MTMR8: variants seen among roughly 807,000 people sequenced by gnomAD.
MTMR8 encodes myotubularin related protein 8, also known as phosphatidylinositol-3,5-bisphosphate 3-phosphatase MTMR8.
A neutral mutation model predicts 39.3 loss-of-function variants in MTMR8; 65 were observed. The observed-to-expected ratio is 1.65, with a 90% CI of 1.35 to 2.03. The LOEUF is 2.03. MTMR8 is among the 30% of genes most tolerant of loss of function. The pLI is 0.00. For synonymous variants in MTMR8, 245 were observed against 185.2 expected (o/e 1.32, Z -2.62); for missense variants, 777 against 538.9 (o/e 1.44, Z -4.37).
chrX:64,301,372 C>T (rs1179035508), intron 12 of MTMR8, among the ~76,000 whole-genome samples: 2 of 106,186 alleles, frequency 1.9e-5, no homozygotes, highest in South Asian at 4.4e-4. Flanking sequence ...ATCGCATCGG[C>T]TCCTGAGGCT....
chrX:64,371,732 G>C (rs1279217646), intron 1 of MTMR8, among the ~76,000 whole-genome samples: 1 of 111,068 alleles, frequency 9.0e-6, no homozygotes, highest in African/African-American at 3.3e-5. Context: ...TATTCCCTGA[G>C]ATTCTGCCAA....
intron 1 of MTMR8, among the ~76,000 whole-genome samples, chrX:64,378,016 G>A (rs989612093): frequency 9.0e-6 from 1 of 111,605 alleles, no homozygotes; most frequent in African/African-American, 3.3e-5. Context: ...GTGAAGATGT[G>A]CTTGCTTCCC....
At chrX:64,318,546 G>A (rs1441510432) in intron 12 of MTMR8, among the ~76,000 whole-genome samples, 2 of 110,580 alleles carry the variant, frequency 1.8e-5, no homozygotes, top group Non-Finnish European at 3.8e-5. Flanking sequence ...TAGGTCCTGT[G>A]GACCCTAGTC....
chrX:64,363,606 A>G (rs1923857408), intron 1 of MTMR8, among the ~76,000 whole-genome samples: 1 of 111,983 alleles, frequency 8.9e-6, no homozygotes, highest in Non-Finnish European at 1.9e-5. Context: ...TTTAAAAATT[A>G]CTCAGTCTCT....
intron 12 of MTMR8, among the ~76,000 whole-genome samples, chrX:64,274,828 C>T (rs1210890491): frequency 8.9e-6 from 1 of 111,905 alleles, no homozygotes; most frequent in Non-Finnish European, 1.9e-5. Context: ...ACTATATCTT[C>T]TCACTTACAC....
intron 12 of MTMR8, among the ~76,000 whole-genome samples, chrX:64,324,077 A>G (rs773063353): frequency 8.9e-6 from 1 of 112,975 alleles, no homozygotes; most frequent in African/African-American, 3.2e-5. Flanking sequence ...AAATAAATGA[A>G]AGTGCCCAGG....
intron 1 of MTMR8, among the ~76,000 whole-genome samples, chrX:64,380,576 A>G (rs1241379601): frequency 8.9e-6 from 1 of 112,718 alleles, no homozygotes; most frequent in Admixed American, 9.4e-5. Context: ...AGGACATGGA[A>G]AAATCCATTG....
intron 12 of MTMR8, among the ~76,000 whole-genome samples, chrX:64,273,623 T>C (rs1931812652): frequency 9.0e-6 from 1 of 111,328 alleles, no homozygotes; most frequent in African/African-American, 3.3e-5. Context: ...TTACTTGAAA[T>C]ATATACATGG....
intron 3 of MTMR8, 61 bp downstream of exon 3, chrX:64,356,115 C>T: frequency 1.8e-6 from 2 of 1,099,891 alleles, no homozygotes; most frequent in East Asian, 6.5e-5. Context: ...CCTGATCTTT[C>T]CATTATGCCA....
At chrX:64,336,034 A>T in intron 10 of MTMR8, 45 bp downstream of exon 10, 1 of 1,041,415 alleles carries the variant, frequency 9.6e-7, no homozygotes, top group Non-Finnish European at 1.3e-6. Context: ...CTTCACCCTA[A>T]TGAACTATCC....
chrX:64,344,318 T>G (rs1379598434), intron 7 of MTMR8, among the ~76,000 whole-genome samples: 3 of 111,675 alleles, frequency 2.7e-5, no homozygotes, highest in African/African-American at 9.8e-5. Context: ...GGATGCAGAC[T>G]GAGCAGATGA....
intron 12 of MTMR8, among the ~76,000 whole-genome samples, chrX:64,317,373 A>T: frequency 9.1e-6 from 1 of 110,414 alleles, no homozygotes; most frequent in Middle Eastern, 4.6e-3. Context: ...GACCCCTGTG[A>T]CTCTGTTTAT....
At chrX:64,317,968 G>A (rs765314025) in intron 12 of MTMR8, among the ~76,000 whole-genome samples, 15 of 112,316 alleles carry the variant, frequency 1.3e-4, no homozygotes, top group African/African-American at 4.8e-4. Context: ...TAGCTGCATT[G>A]GATAAAAGTG....
intron 12 of MTMR8, among the ~76,000 whole-genome samples, chrX:64,285,928 G>A (rs1921154695): frequency 9.0e-6 from 1 of 111,172 alleles, no homozygotes. Context: ...AGAGAAACAA[G>A]AACAAACACA....
In MTMR8 at chrX:64,277,790, G is replaced by A. The variant is rs748845098; in HGVS notation, c.1482-6717C>T. ...AATGTCGGTCTGTCTTGCTAGGTTG[G>A]GGAAGTTCTCCTGGATAATATCCTG... On this transcript the variant is annotated intron_variant, in intron 12 of 13. Transcript: ENST00000374852. Among the ~76,000 whole-genome samples the A allele has an allele frequency of 1.5e-3, 163 of 111,048 alleles. 1 individual carries two copies. The highest frequency in any genetic ancestry group is 5.2e-3 in the African/African-American group (158 of 30,570).
chrX:64,363,833 G>A (rs1028698866), intron 1 of MTMR8, among the ~76,000 whole-genome samples: 2 of 111,610 alleles, frequency 1.8e-5, no homozygotes, highest in African/African-American at 3.3e-5. Flanking sequence ...CCATTTCCTA[G>A]CCAAGGGAAG....
intron 12 of MTMR8, among the ~76,000 whole-genome samples, chrX:64,308,255 C>T (rs953250189): frequency 1.0e-4 from 11 of 108,825 alleles, no homozygotes; most frequent in East Asian, 8.5e-4. Flanking sequence ...CAGAGTCTCA[C>T]GCCATTCTCC....
At chrX:64,320,999 T>A (rs1922627410) in intron 12 of MTMR8, among the ~76,000 whole-genome samples, 1 of 111,805 alleles carries the variant, frequency 8.9e-6, no homozygotes, top group African/African-American at 3.3e-5. Context: ...ATGTGGCAAA[T>A]AACACAACCT....
rs764270480 is a variant in MTMR8, at chrX:64,337,486, G to A, written c.976-93C>T. 192 of 970,522 alleles carry A rather than the reference G, an allele frequency of 2.0e-4. 2 individuals carry two copies. The South Asian group carries it at 4.0e-3, about 20-fold the overall frequency. The allele number at this position is 970,522 out of a possible 1,213,427, so 80.0% of individuals were successfully genotyped here. A position where few individuals can be genotyped will look rare whatever the true frequency, so the allele number is the denominator to read the frequency against. ...CCAAATACTGTCCCTAAAGCACAGA[G>A]AACCTGGTCTTATGGGCTACATTAA... On this transcript the variant is annotated intron_variant, in intron 8 of 13. Transcript: ENST00000374852.
Sources: gnomAD v4.1 joint callset for allele counts (sites outside exome capture counted in the v4.1 genomes callset) on GRCh38, gnomAD v4.1.1 for gene constraint, MANE v1.5 for transcripts, NCBI Gene and HGNC (gene_info 2026-07-23, HGNC 2026-07-21) for gene names.